The following RNF144B variants were observed in gnomAD, a reference collection of about 807,000 sequenced individuals.
RNF144B encodes the protein ring finger protein 144B, also known as E3 ubiquitin-protein ligase RNF144B.
A neutral mutation model predicts 40.2 loss-of-function variants in RNF144B; 25 were observed. That is an observed-to-expected ratio of 0.62 (90% CI 0.45 to 0.87). RNF144B has a LOEUF of 0.87. RNF144B is among the 40% of genes least tolerant of loss of function. The pLI is 0.00. For missense variants in RNF144B, 365 were observed against 373.7 expected, an observed-to-expected ratio of 0.98 and a Z score of 0.19; for synonymous variants, 145 against 136.3, an observed-to-expected ratio of 1.06 and a Z score of -0.44.
At chr6:18,392,039 A>C (rs937805995) in intron 1 of RNF144B, among the ~76,000 whole-genome samples, 4 of 129,670 alleles carry the variant, frequency 3.1e-5, no homozygotes, top group Non-Finnish European at 6.4e-5. Flanking sequence ...CTCTACTAAA[A>C]AAAAAAAAAA....
At chr6:18,454,738 T>G (rs12212947) in intron 4 of RNF144B, among the ~76,000 whole-genome samples, 19,034 of 152,220 alleles carry the variant, frequency 0.13, 1,368 homozygotes, top group Admixed American at 0.19. Context: ...ACCTATAATT[T>G]CTCCTTTATT....
In RNF144B at chr6:18,446,359, T is replaced by C. The variant is rs9477746; in HGVS notation, c.331+6615T>C. On this transcript the variant is annotated intron_variant, in intron 4 of 7. Coordinates refer to ENST00000259939, the MANE Select transcript of RNF144B (RefSeq NM_182757.4). The surrounding 1 kb of genome is among the most constrained non-coding windows in gnomAD (Gnocchi z 4.7). ...AGCTGAGCTGAAGGGCATTGTGAAG[T>C]GTAGGTGCCATGCTGTGCTCAGATA... Among the ~76,000 whole-genome samples the C allele has an allele frequency of 0.33, 50,213 of 151,984 alleles. 8,903 individuals are homozygous for C. The highest frequency in any genetic ancestry group is 0.5 in the East Asian group (2,586 of 5,130).
rs967971141 is a variant in RNF144B at position 18,398,946 on chromosome 6, T to C, written c.-36-553T>C. 1.3e-5 allele frequency among the ~76,000 whole-genome samples: 2 copies of C among 152,210 alleles called. No individual in the cohort carries two copies. The highest frequency in any genetic ancestry group is 4.8e-5 in the African/African-American group (2 of 41,448). On this transcript the variant is annotated intron_variant, in intron 1 of 7. Coordinates refer to ENST00000259939, the MANE Select transcript of RNF144B (RefSeq NM_182757.4). The surrounding 1 kb of genome is among the most constrained non-coding windows in gnomAD (Gnocchi z 5.0). The stretch of plus-strand genomic sequence containing the variant: ...CTAAATATGTTTGCTCATAGTGATA[T>C]TTCCCGCCCCTGACCTTCATTAAGG...
In RNF144B at chr6:18,406,052, TA is replaced by T; in HGVS notation, c.165+6354del. 1 of 518,952 alleles carries T rather than the reference TA, an allele frequency of 1.9e-6. No homozygotes were observed. Among genetic ancestry groups the T allele is most frequent in the Non-Finnish European group, 3.8e-6 (1 of 259,816 alleles). The allele number at this position is 518,952 out of a possible 1,614,324, so 32.1% of individuals were successfully genotyped here. On this transcript the variant is annotated intron_variant, in intron 2 of 7. Transcript: ENST00000259939. This position sits in a 1 kb window ranked among gnomAD's most constrained non-coding sequence, Gnocchi z 4.2. ...GTCTCAAGTTTGGTAGCTTAGGCTT[TA>T]TTTATTCAACAAATATTTGCTGTGT...
Position 18,425,471 on chromosome 6 carries a change from T to TG in RNF144B, c.166-2109dup, listed in dbSNP as rs1183359254. ...ACTCCTTTTGGTGAGCCGCCTTGAC[T>TG]GTTCCCCTGGGTGTTCGCCTGCCCA... On this transcript the variant is annotated intron_variant, in intron 2 of 7. Transcript: ENST00000259939. This position sits in a 1 kb window ranked among gnomAD's most constrained non-coding sequence, Gnocchi z 4.2. Among the ~76,000 whole-genome samples the TG allele has an allele frequency of 1.3e-5, 2 of 152,294 alleles. No individual in the cohort carries two copies. The highest frequency in any genetic ancestry group is 3.9e-4 in the East Asian group (2 of 5,174).
rs543023231 is a variant in RNF144B at position 18,441,673 on chromosome 6, C to T, written c.331+1929C>T. On this transcript the variant is annotated intron_variant, in intron 4 of 7. Transcript: ENST00000259939. This position sits in a 1 kb window ranked among gnomAD's most constrained non-coding sequence, Gnocchi z 4.9. ...ATAAAGTTTTGGTTTATTTTAAAATCGTAGCTAAGACCCTGAGTGCAATTG... is the reference window on the plus strand; with the variant it reads ...ATAAAGTTTTGGTTTATTTTAAAATTGTAGCTAAGACCCTGAGTGCAATTG... 6.2e-4 allele frequency among the ~76,000 whole-genome samples: 95 copies of T among 152,240 alleles called. 1 individual carries two copies. The highest frequency in any genetic ancestry group is 2.2e-3 in the African/African-American group (93 of 41,548).
At chr6:18,440,981 A>T (rs1758951150) in intron 4 of RNF144B, among the ~76,000 whole-genome samples, 1 of 152,102 alleles carries the variant, frequency 6.6e-6, no homozygotes, top group Non-Finnish European at 1.5e-5. Context: ...GAAATAGTTT[A>T]TAATGTTGAA....
In RNF144B at chr6:18,464,777, A is replaced by G; in HGVS notation, c.772-150A>G. 1.3e-6 allele frequency: 1 copy of G among 760,138 alleles called. No individual in the cohort carries two copies. Among genetic ancestry groups the G allele is most frequent in the East Asian group, 2.7e-5 (1 of 37,226 alleles). The allele number at this position is 760,138 out of a possible 1,614,324, so 47.1% of individuals were successfully genotyped here. A position where few individuals can be genotyped will look rare whatever the true frequency, so the allele number is the denominator to read the frequency against. ...CTAACTTCTAAAGGCCTCGTCTCCA[A>G]ATACCGTCACATCGGGGATTTAGGG... is the stretch of plus-strand genomic sequence containing the variant. On this transcript the variant is annotated intron_variant, in intron 7 of 7. Transcript: ENST00000259939. The surrounding 1 kb of genome is among the most constrained non-coding windows in gnomAD (Gnocchi z 6.1).
At chr6:18,437,061 G>A (rs190282868) in intron 3 of RNF144B, among the ~76,000 whole-genome samples, 1 of 152,286 alleles carries the variant, frequency 6.6e-6, no homozygotes. Flanking sequence ...AGCCTCTTGA[G>A]TGTAGCTTCT....
Position 18,456,715 on chromosome 6 carries a change from T to C in RNF144B, c.332-440T>C, listed in dbSNP as rs1759334501. On this transcript the variant is annotated intron_variant, in intron 4 of 7. Coordinates refer to ENST00000259939, the MANE Select transcript of RNF144B (RefSeq NM_182757.4). The surrounding 1 kb of genome is among the most constrained non-coding windows in gnomAD (Gnocchi z 4.7). ...TTGGATCCATTATGAAGACTAATAGTAGAAATCCTCACCCTTGTTGTATTA... is the reference window on the plus strand; with the variant it reads ...TTGGATCCATTATGAAGACTAATAGCAGAAATCCTCACCCTTGTTGTATTA... Among the ~76,000 whole-genome samples the C allele has an allele frequency of 1.3e-5, 2 of 152,156 alleles. No individual in the cohort carries two copies.
rs1759102172 is a variant in RNF144B, at chr6:18,447,167, G to A, written c.331+7423G>A. Among the ~76,000 whole-genome samples, 1 of 152,058 alleles carries A rather than the reference G, an allele frequency of 6.6e-6. No individual in the cohort carries two copies. On this transcript the variant is annotated intron_variant, in intron 4 of 7. Coordinates refer to ENST00000259939, the MANE Select transcript of RNF144B (RefSeq NM_182757.4). The surrounding 1 kb of genome is among the most constrained non-coding windows in gnomAD (Gnocchi z 5.6). ...TAGATGGGGGAGGCTATTTTGGATA[G>A]GATTTTTGTGGAAGACCTCTTTGAT...
rs144620736 is a variant in RNF144B, at chr6:18,409,463, C to A, written c.165+9764C>A. Among the ~76,000 whole-genome samples the A allele has an allele frequency of 1.4e-3, 213 of 149,082 alleles. 1 individual carries two copies. The highest frequency in any genetic ancestry group is 4.9e-3 in the African/African-American group (199 of 40,728). ...TTTGAACATACTTTAACATATCTTA[C>A]CTTCTTGCCATAGGTATATTAAGAA... On this transcript the variant is annotated intron_variant, in intron 2 of 7. Coordinates refer to ENST00000259939, the MANE Select transcript of RNF144B (RefSeq NM_182757.4).
chr6:18,463,344 C>T lies in RNF144B; in HGVS notation c.735C>T (p.Gly245=), dbSNP rs1323105386. ...AAGGGCCATGCAGGAATAAACTTGG[C>T]CACTCAAGAGCATCAGTGATGTGGA... ...YDKGPCRNKL[G]HSRASVMWNR... Residue 245 remains glycine, a synonymous_variant, in exon 7 of 8, where the codon GGC becomes GGT. Coordinates refer to ENST00000259939, the MANE Select transcript of RNF144B (RefSeq NM_182757.4). 1.2e-6 allele frequency: 2 copies of T among 1,611,062 alleles called. No homozygotes were observed. The highest frequency in any genetic ancestry group is 1.7e-6 in the Non-Finnish European group (2 of 1,177,330).
intron 2 of RNF144B, among the ~76,000 whole-genome samples, chr6:18,423,079 T>C (rs1758467509): frequency 6.6e-6 from 1 of 152,236 alleles, no homozygotes; most frequent in Non-Finnish European, 1.5e-5. Flanking sequence ...GGACTTTCAT[T>C]TCTGCATGCC....
chr6:18,430,084 GA>G (rs34992002), intron 3 of RNF144B, among the ~76,000 whole-genome samples: 18,275 of 152,204 alleles, frequency 0.12, 1,311 homozygotes, highest in Admixed American at 0.19. Context: ...AAAAGTCCAT[GA>G]CATTTATCGG....
chr6:18,417,787 G>A (rs1795173556), intron 2 of RNF144B, among the ~76,000 whole-genome samples: 2 of 152,120 alleles, frequency 1.3e-5, no homozygotes, highest in Non-Finnish European at 2.9e-5. Flanking sequence ...CATCAAGAAA[G>A]TTAAAAGATA....
rs70974744 is a variant in RNF144B, at chr6:18,446,840, GGTGTGTGTGT to G, written c.331+7121_331+7130del. Among the ~76,000 whole-genome samples the G allele has an allele frequency of 0.31, 45,582 of 147,906 alleles. 7,618 individuals are homozygous for G. Among genetic ancestry groups the G allele is most frequent in the Admixed American group, 0.44 (6,553 of 14,922 alleles). ...TAAAGTTTTATTGGTTCTATTTTAG[GGTGTGTGTGT>G]GTGTGTGTGTGTGTGTGTGTGTGTC... On this transcript the variant is annotated intron_variant, in intron 4 of 7. Coordinates refer to ENST00000259939, the MANE Select transcript of RNF144B (RefSeq NM_182757.4). This position sits in a 1 kb window ranked among gnomAD's most constrained non-coding sequence, Gnocchi z 4.7.
In RNF144B at chr6:18,422,095, G is replaced by A. The variant is rs914906293; in HGVS notation, c.166-5486G>A. Among the ~76,000 whole-genome samples, 2 of 152,048 alleles carry A rather than the reference G, an allele frequency of 1.3e-5. No homozygotes were observed. Among genetic ancestry groups the A allele is most frequent in the South Asian group, 2.1e-4 (1 of 4,824 alleles). On this transcript the variant is annotated intron_variant, in intron 2 of 7. Transcript: ENST00000259939. The surrounding 1 kb of genome is among the most constrained non-coding windows in gnomAD (Gnocchi z 4.7). Reference sequence around the variant, plus strand: ...GTTTTGTAAGAAAAATTTTAGGATCGGACTATACCAGGAAACAGCTTCCTG... The same window carrying A: ...GTTTTGTAAGAAAAATTTTAGGATCAGACTATACCAGGAAACAGCTTCCTG...
chr6:18,429,926 C>T (rs1758656215), intron 3 of RNF144B, among the ~76,000 whole-genome samples: 2 of 152,152 alleles, frequency 1.3e-5, no homozygotes, highest in South Asian at 4.1e-4. Flanking sequence ...AGCAGAGAGA[C>T]AGTCAACTTA....
Sources: allele counts gnomAD v4.1 joint callset (sites outside exome capture counted in the v4.1 genomes callset), GRCh38; gene constraint gnomAD v4.1.1; non-coding constraint Gnocchi (gnomAD v3.1); transcripts MANE v1.5; gene names NCBI Gene and HGNC (gene_info 2026-07-23, HGNC 2026-07-21).